The following RRAGD variants were observed in gnomAD, a reference collection of about 807,000 sequenced individuals.
RRAGD encodes the protein ras-related GTP-binding protein D.
Under a neutral mutation model 35.5 loss-of-function variants are expected in RRAGD, and 12 were observed. The ratio of observed to expected loss-of-function variants is 0.34; its 90% CI spans 0.22 to 0.55. The LOEUF (loss-of-function observed/expected upper bound fraction) is 0.55, where lower values mean the gene tolerates loss of function less well. RRAGD is among the 20% of genes least tolerant of loss of function. The pLI is 0.91. For synonymous variants in RRAGD, 155 were observed against 178.9 expected (o/e 0.87, Z 1.07); for missense variants, 324 against 490.1 (o/e 0.66, Z 3.20).
In RRAGD at chr6:89,377,539, A is replaced by G. The variant is rs1301458355; in HGVS notation, c.902+132T>C. ...CTGTTATTATTGCATGCTAACTGGT[A>G]TATTTATTTATAGATTTCAGTCATT... On this transcript the variant is annotated intron_variant, in intron 5 of 6. Transcript: ENST00000369415. 21 of 763,936 alleles carry G rather than the reference A, an allele frequency of 2.7e-5. No individual in the cohort carries two copies. The South Asian group carries it at 3.5e-4, about 13-fold the overall frequency. 47.3% of individuals were successfully genotyped at this position (763,936 alleles called of 1,614,324 possible).
At chr6:89,372,614 G>T in intron 5 of RRAGD, 29 bp from the exon 6 acceptor site, 1 of 1,502,470 alleles carries the variant, frequency 6.7e-7, no homozygotes, top group South Asian at 1.4e-5. Context: ...CAAAACATGT[G>T]ACCATTGAGA....
chr6:89,398,382 C>T (rs899410924), intron 1 of RRAGD, among the ~76,000 whole-genome samples: 6 of 152,084 alleles, frequency 3.9e-5, no homozygotes, highest in Middle Eastern at 3.2e-3. Flanking sequence ...AAGATAAGAA[C>T]GGAAACCCTA....
At chr6:89,399,528 T>C (rs913298609) in intron 1 of RRAGD, among the ~76,000 whole-genome samples, 4 of 152,178 alleles carry the variant, frequency 2.6e-5, no homozygotes, top group Non-Finnish European at 5.9e-5. Context: ...TCCCAGCACT[T>C]TGAGAGGCCA....
chr6:89,397,331 A>G (rs1769355964), intron 1 of RRAGD, among the ~76,000 whole-genome samples: 1 of 152,238 alleles, frequency 6.6e-6, no homozygotes, highest in Non-Finnish European at 1.5e-5. Flanking sequence ...TGGTTTCTTA[A>G]GAAGTTGAAC....
At position 89,367,928 on chromosome 6, in the gene RRAGD, ATT is replaced by A. The variant is rs142744016; in HGVS notation, c.*126_*127del. The A allele has an allele frequency of 1.2e-4, 84 of 716,690 alleles. No homozygotes were observed. The highest frequency in any genetic ancestry group is 2.9e-4 in the Middle Eastern group (1 of 3,472). 44.4% of individuals were successfully genotyped at this position (716,690 alleles called of 1,614,324 possible). On this transcript the variant is annotated 3_prime_UTR_variant, in exon 7 of 7. Transcript: ENST00000369415. Reference sequence around the variant, plus strand: ...AGAGAAGATCAAGAGGGTTGCAGGAATTTTTTTTTTTTAACAACAAATCAATG... The same window carrying A: ...AGAGAAGATCAAGAGGGTTGCAGGAATTTTTTTTTTAACAACAAATCAATG...
chr6:89,380,115 A>G, intron 3 of RRAGD, 53 bp downstream of exon 3: 3 of 1,567,446 alleles, frequency 1.9e-6, no homozygotes, highest in African/African-American at 2.7e-5. Context: ...CCGAACCCCA[A>G]ACTTGCTTTC....
chr6:89,392,360 A>T (rs1284663993), intron 1 of RRAGD, among the ~76,000 whole-genome samples: 9 of 151,724 alleles, frequency 5.9e-5, no homozygotes, highest in Non-Finnish European at 1.3e-4. Context: ...TGCAGCTGTC[A>T]TCCCAGCCAT....
chr6:89,411,886 G>A lies in RRAGD; in HGVS notation c.108C>T (p.Asp36=), dbSNP rs1190414132. The change falls in exon 1 of 7, where the codon GAC becomes GAT. Residue 36 remains aspartate (D), a synonymous_variant. Coordinates refer to ENST00000369415, the MANE Select transcript of RRAGD (RefSeq NM_021244.5). The surrounding 1 kb of genome is among the most constrained non-coding windows in gnomAD (Gnocchi z 5.6). ...VGLADYGDGP[D]SSDADPDSGT... Reference sequence around the variant, plus strand: ...CGCTGTCCGGATCGGCGTCGGAGGAGTCGGGCCCGTCTCCGTAGTCCGCTA... The same window carrying A: ...CGCTGTCCGGATCGGCGTCGGAGGAATCGGGCCCGTCTCCGTAGTCCGCTA... 12 of 1,547,044 alleles carry A rather than the reference G, an allele frequency of 7.8e-6. No individual in the cohort carries two copies. Among genetic ancestry groups the A allele is most frequent in the Non-Finnish European group, 1.0e-5 (12 of 1,148,582 alleles).
At chr6:89,389,433 G>A (rs1338887326) in intron 1 of RRAGD, among the ~76,000 whole-genome samples, 1 of 151,816 alleles carries the variant, frequency 6.6e-6, no homozygotes, top group Admixed American at 6.6e-5. Context: ...GCGGGCACCT[G>A]TAGTCCCAGC....
chr6:89,394,921 GAA>G (rs2127893993), intron 1 of RRAGD, among the ~76,000 whole-genome samples: 1 of 152,152 alleles, frequency 6.6e-6, no homozygotes, highest in East Asian at 1.9e-4. Context: ...GAAAAGGAAA[GAA>G]AAACAATTTT....
At chr6:89,403,577 T>C (rs1769519943) in intron 1 of RRAGD, among the ~76,000 whole-genome samples, 1 of 151,798 alleles carries the variant, frequency 6.6e-6, no homozygotes, top group Admixed American at 6.6e-5. Context: ...GGGATATATA[T>C]ATACATATGG....
chr6:89,388,674 G>A (rs1161796946), intron 1 of RRAGD, among the ~76,000 whole-genome samples: 1 of 152,178 alleles, frequency 6.6e-6, no homozygotes, highest in Admixed American at 6.5e-5. Context: ...GGGACCAGTG[G>A]GATGGTGGGG....
chr6:89,410,266 G>GC (rs942920455), intron 1 of RRAGD, among the ~76,000 whole-genome samples: 17 of 151,804 alleles, frequency 1.1e-4, no homozygotes, highest in Admixed American at 3.9e-4. Flanking sequence ...TGGCCCCTCC[G>GC]CCCCCCCACT....
rs1768725770 is a variant in RRAGD at position 89,365,557 on chromosome 6, ATCTT to A, written c.*2495_*2498del. ...CTGAACGCTTAGACATAACTCCTGC[ATCTT>A]TCTTTAATTAAGAAGTCATTGCCAC... On this transcript the variant is annotated 3_prime_UTR_variant, in exon 7 of 7. Transcript: ENST00000369415. 1 of 152,248 alleles carries A rather than the reference ATCTT, an allele frequency of 6.6e-6. No homozygotes were observed. 9.4% of individuals were successfully genotyped at this position (152,248 alleles called of 1,614,324 possible). A position where few individuals can be genotyped will look rare whatever the true frequency, so the allele number is the denominator to read the frequency against.
In RRAGD at chr6:89,387,452, C is replaced by T. The variant is rs745570569; in HGVS notation, c.287G>A (p.Ser96Asn). ...ATCTTCCCGGCATATCTTATTAGTG[C>T]TCTCCAAGAACAGAGTTTCGTTGGG... ...MSPNETLFLESTNKICREDVS... is the reference protein window; with the variant it reads ...MSPNETLFLENTNKICREDVS... The change falls in exon 2 of 7, where the codon AGC becomes AAC. Residue 96 changes from serine to asparagine, a missense_variant. By Grantham distance (46) the Ser-to-Asn change is conservative (BLOSUM62 1). Coordinates refer to ENST00000369415, the MANE Select transcript of RRAGD (RefSeq NM_021244.5). 3.7e-6 allele frequency: 6 copies of T among 1,614,068 alleles called. No individual in the cohort carries two copies. The highest frequency in any genetic ancestry group is 5.1e-6 in the Non-Finnish European group (6 of 1,180,052).
intron 2 of RRAGD, 104 bp from the exon 3 acceptor site, chr6:89,380,471 C>A: frequency 1.1e-6 from 1 of 925,140 alleles, no homozygotes; most frequent in Non-Finnish European, 1.6e-6. Flanking sequence ...CCCCGAAATA[C>A]GTTGCAAAGG....
Position 89,367,015 on chromosome 6 carries a change from G to T in RRAGD, c.*1041C>A, listed in dbSNP as rs1768763508. On this transcript the variant is annotated 3_prime_UTR_variant, in exon 7 of 7. Coordinates refer to ENST00000369415, the MANE Select transcript of RRAGD (RefSeq NM_021244.5). ...CTAACAGGATTGAGCTCCATGGTGG[G>T]GTTCTGCGATTTGTTCTATTCACTA... is the stretch of plus-strand genomic sequence containing the variant. 6.6e-6 allele frequency: 1 copy of T among 152,144 alleles called. No homozygotes were observed. The highest frequency in any genetic ancestry group is 2.4e-5 in the African/African-American group (1 of 41,402). The allele number at this position is 152,144 out of a possible 1,614,324, so 9.4% of individuals were successfully genotyped here. A position where few individuals can be genotyped will look rare whatever the true frequency, so the allele number is the denominator to read the frequency against.
At chr6:89,380,146 CT>C (rs1385505137) in intron 3 of RRAGD, 21 bp downstream of exon 3, 1 of 1,611,980 alleles carries the variant, frequency 6.2e-7, no homozygotes, top group Non-Finnish European at 8.5e-7. Flanking sequence ...TATTGGGATC[CT>C]TAAGGGGTTT....
rs1769700191 is a variant in RRAGD, at chr6:89,411,785, C to T, written c.148+61G>A. 2 of 1,493,406 alleles carry T rather than the reference C, an allele frequency of 1.3e-6. No homozygotes were observed. Among genetic ancestry groups the T allele is most frequent in the Admixed American group, 4.1e-5 (2 of 49,310 alleles). 92.5% of individuals were successfully genotyped at this position (1,493,406 alleles called of 1,614,324 possible). A position where few individuals can be genotyped will look rare whatever the true frequency, so the allele number is the denominator to read the frequency against. ...GGCTCGCGCACGGCCGGGCTGGGGG[C>T]GGGAAGGCGCCAAGGGGAGGAAAGG... On this transcript the variant is annotated intron_variant, in intron 1 of 6. Transcript: ENST00000369415. The surrounding 1 kb of genome is among the most constrained non-coding windows in gnomAD (Gnocchi z 5.6).
Sources: allele counts gnomAD v4.1 joint callset (sites outside exome capture counted in the v4.1 genomes callset), GRCh38; gene constraint gnomAD v4.1.1; non-coding constraint Gnocchi (gnomAD v3.1); transcripts MANE v1.5; gene names NCBI Gene and HGNC (gene_info 2026-07-23, HGNC 2026-07-21).